Variants in SLC4A4 observed in about 807,000 individuals in gnomAD.
SLC4A4 encodes the protein electrogenic sodium bicarbonate cotransporter 1.
SLC4A4 carries 27 observed loss-of-function variants against 111.5 expected under a neutral mutation model. The observed-to-expected ratio is 0.24, with a 90% CI of 0.18 to 0.33. SLC4A4 has a LOEUF of 0.33. SLC4A4 is among the 10% of genes least tolerant of loss of function. SLC4A4 has a pLI of 1.00. For missense variants in SLC4A4, 909 were observed against 1,315.5 expected (o/e 0.69, Z 4.78); for synonymous variants, 443 against 463.4 (o/e 0.96, Z 0.57).
At chr4:71,158,488 G>A (rs577702105) in intron 2 of SLC4A4, among the ~76,000 whole-genome samples, 1 of 152,144 alleles carries the variant, frequency 6.6e-6, no homozygotes, top group Non-Finnish European at 1.5e-5. Flanking sequence ...ATGCTGAATT[G>A]AGGTTTTAAA....
chr4:71,113,481 T>A (rs571688175), intron 2 of SLC4A4, among the ~76,000 whole-genome samples: 7 of 152,210 alleles, frequency 4.6e-5, no homozygotes, highest in Non-Finnish European at 1.0e-4. Context: ...GCACTGAAGA[T>A]CCCAGGAGAC....
At chr4:71,106,250 A>G (rs1286132659) in intron 2 of SLC4A4, among the ~76,000 whole-genome samples, 2 of 148,086 alleles carry the variant, frequency 1.4e-5, no homozygotes, top group Non-Finnish European at 3.0e-5. Context: ...TTAGAAAGGC[A>G]ATCATTAAAA....
At chr4:71,405,544 G>A (rs934307534) in intron 7 of SLC4A4, among the ~76,000 whole-genome samples, 6 of 152,066 alleles carry the variant, frequency 3.9e-5, no homozygotes, top group Admixed American at 3.9e-4. Context: ...TATCCTTATT[G>A]TAATTTTTCT....
chr4:71,363,217 A>G (rs1469349701), intron 6 of SLC4A4, among the ~76,000 whole-genome samples: 1 of 152,206 alleles, frequency 6.6e-6, no homozygotes, highest in East Asian at 1.9e-4. Context: ...ATGGAAAGAA[A>G]TCAATTTTTA....
chr4:71,206,290 G>A (rs1414829772), intron 1 of SLC4A4, among the ~76,000 whole-genome samples: 1 of 152,130 alleles, frequency 6.6e-6, no homozygotes, highest in African/African-American at 2.4e-5. Context: ...TTTAATTGAA[G>A]TTCATTGTTG....
At chr4:71,084,620 G>T (rs1742102022) in intron 1 of SLC4A4, among the ~76,000 whole-genome samples, 1 of 151,712 alleles carries the variant, frequency 6.6e-6, no homozygotes, top group Non-Finnish European at 1.5e-5. Context: ...TGTTCTCATT[G>T]TTCAATTCCC....
intron 1 of SLC4A4, among the ~76,000 whole-genome samples, chr4:71,082,562 T>C (rs980405695): frequency 6.6e-6 from 1 of 152,128 alleles, no homozygotes; most frequent in African/African-American, 2.4e-5. Context: ...TATCTATTTA[T>C]CTATATAAAA....
At chr4:71,533,712 T>A (rs912464408) in intron 17 of SLC4A4, among the ~76,000 whole-genome samples, 2 of 152,034 alleles carry the variant, frequency 1.3e-5, no homozygotes, top group South Asian at 2.1e-4. Context: ...TTATGGCTTT[T>A]TATATATATT....
At chr4:71,175,154 A>C (rs1745050055) in intron 2 of SLC4A4, among the ~76,000 whole-genome samples, 1 of 152,208 alleles carries the variant, frequency 6.6e-6, no homozygotes, top group African/African-American at 2.4e-5. Context: ...TTTAAATCCA[A>C]ATTTCATTTA....
intron 2 of SLC4A4, among the ~76,000 whole-genome samples, chr4:71,135,118 T>C (rs1327824911): frequency 1.3e-5 from 2 of 152,196 alleles, no homozygotes; most frequent in Non-Finnish European, 2.9e-5. Context: ...TATGTAAATA[T>C]TTTAAATTCA....
intron 20 of SLC4A4, among the ~76,000 whole-genome samples, chr4:71,550,756 A>G (rs1735915661): frequency 6.6e-6 from 1 of 151,896 alleles, no homozygotes; most frequent in Non-Finnish European, 1.5e-5. Context: ...TGATCCTAGT[A>G]ATTTTCTTTC....
intron 2 of SLC4A4, among the ~76,000 whole-genome samples, chr4:71,116,044 A>T (rs930657980): frequency 6.6e-6 from 1 of 152,124 alleles, no homozygotes; most frequent in South Asian, 2.1e-4. Flanking sequence ...ACAGGCACAC[A>T]CCACGACGCC....
chr4:71,382,477 G>A (rs372184018), intron 6 of SLC4A4, among the ~76,000 whole-genome samples: 2 of 152,196 alleles, frequency 1.3e-5, no homozygotes, highest in Admixed American at 6.5e-5. Context: ...GAGCATCTGT[G>A]TACTTGGGTT....
At chr4:71,118,808 TG>T (rs1743341732) in intron 2 of SLC4A4, among the ~76,000 whole-genome samples, 1 of 152,180 alleles carries the variant, frequency 6.6e-6, no homozygotes, top group Non-Finnish European at 1.5e-5. Flanking sequence ...GAGGGAGATA[TG>T]GGAAAGCTTT....
intron 1 of SLC4A4, among the ~76,000 whole-genome samples, chr4:71,187,833 G>T (rs541057146): frequency 4.9e-4 from 75 of 152,220 alleles, no homozygotes; most frequent in Non-Finnish European, 9.1e-4. Context: ...CATCACAGGG[G>T]GAGATTTGGG....
At chr4:71,309,454 T>C (rs1420546614) in intron 3 of SLC4A4, among the ~76,000 whole-genome samples, 1 of 152,138 alleles carries the variant, frequency 6.6e-6, no homozygotes, top group Admixed American at 6.5e-5. Flanking sequence ...CAACAGGGGT[T>C]GACAGACACC....
chr4:71,299,222 C>A (rs1725028567), intron 3 of SLC4A4, among the ~76,000 whole-genome samples: 1 of 152,108 alleles, frequency 6.6e-6, no homozygotes, highest in Non-Finnish European at 1.5e-5. Flanking sequence ...ATTGTTTAGG[C>A]CATAGGAAAT....
intron 3 of SLC4A4, among the ~76,000 whole-genome samples, chr4:71,264,541 A>G (rs6854605): frequency 0.02 from 3,120 of 152,202 alleles, 92 homozygotes; most frequent in African/African-American, 0.067. Flanking sequence ...GTTCGTTCAA[A>G]GCTGAAGCTG....
intron 7 of SLC4A4, among the ~76,000 whole-genome samples, chr4:71,416,635 C>T (rs1055311777): frequency 6.6e-6 from 1 of 152,044 alleles, no homozygotes; most frequent in East Asian, 1.9e-4. Flanking sequence ...TAAGATGATG[C>T]ATACGAAGTT....
Sources: allele counts gnomAD v4.1 joint callset (sites outside exome capture counted in the v4.1 genomes callset), GRCh38; gene constraint gnomAD v4.1.1; transcripts MANE v1.5; gene names NCBI Gene and HGNC (gene_info 2026-07-23, HGNC 2026-07-21).